GPC5: variants seen among roughly 807,000 people sequenced by gnomAD.
GPC5 encodes the protein glypican 5, also known as glypican-5.
A neutral mutation model predicts 53.9 loss-of-function variants in GPC5; 47 were observed. The ratio of observed to expected loss-of-function variants is 0.87; its 90% CI spans 0.69 to 1.11. The LOEUF (loss-of-function observed/expected upper bound fraction) is 1.11, where lower values mean the gene tolerates loss of function less well. GPC5 is among the 50% of genes most tolerant of loss of function. GPC5 has a pLI of 0.00. For missense variants in GPC5, 748 were observed against 713.1 expected, an observed-to-expected ratio of 1.05 and a Z score of -0.56; for synonymous variants, 286 against 263.3, an observed-to-expected ratio of 1.09 and a Z score of -0.84.
chr13:92,385,803 GTATATA>G (rs66626865), intron 7 of GPC5, among the ~76,000 whole-genome samples: 1 of 138,918 alleles, frequency 7.2e-6, no homozygotes, highest in South Asian at 2.2e-4. Flanking sequence ...ACATATATAC[GTATATA>G]TATACACGTG....
chr13:91,946,431 T>C (rs72633742), intron 6 of GPC5, among the ~76,000 whole-genome samples: 1,638 of 152,318 alleles, frequency 0.011, 19 homozygotes, highest in African/African-American at 0.025. Context: ...CTATCTGTTT[T>C]AGGTTTTACT....
intron 1 of GPC5, among the ~76,000 whole-genome samples, chr13:91,443,783 C>T (rs1411102756): frequency 1.3e-5 from 2 of 152,126 alleles, no homozygotes; most frequent in Admixed American, 1.3e-4. Context: ...AGGTAAAATT[C>T]TTTATGAGTT....
At chr13:91,572,224 CACATATGTATATACATGTGTATATATAT>C (rs2031943173) in intron 2 of GPC5, among the ~76,000 whole-genome samples, 6 of 139,182 alleles carry the variant, frequency 4.3e-5, no homozygotes, top group African/African-American at 1.7e-4. Context: ...TATATATATA[CACATATGTATATACATGTGTATATATAT>C]ACACATATGT....
At chr13:92,631,263 AG>A (rs1885227217) in intron 7 of GPC5, among the ~76,000 whole-genome samples, 3 of 152,186 alleles carry the variant, frequency 2.0e-5, no homozygotes. Flanking sequence ...AAAAAATAAC[AG>A]TAGAAGCCTG....
intron 6 of GPC5, among the ~76,000 whole-genome samples, chr13:91,950,007 G>T (rs576283272): frequency 6.6e-6 from 1 of 152,244 alleles, no homozygotes; most frequent in East Asian, 1.9e-4. Flanking sequence ...GCATGCTGAG[G>T]TCTAGTGGCA....
chr13:92,666,583 G>A (rs1886573313), intron 7 of GPC5, among the ~76,000 whole-genome samples: 1 of 152,154 alleles, frequency 6.6e-6, no homozygotes, highest in Non-Finnish European at 1.5e-5. Flanking sequence ...AAATTGATGT[G>A]TAAATATACT....
intron 5 of GPC5, among the ~76,000 whole-genome samples, chr13:91,835,732 C>T (rs1015453787): frequency 2.4e-5 from 3 of 126,450 alleles, no homozygotes; most frequent in Admixed American, 8.6e-5. Context: ...CAGGGCCTGT[C>T]GGGGGTTGGG....
chr13:91,743,253 C>A (rs2036975406), intron 4 of GPC5, among the ~76,000 whole-genome samples: 1 of 152,042 alleles, frequency 6.6e-6, no homozygotes, highest in Non-Finnish European at 1.5e-5. Flanking sequence ...ATTTTTTTTA[C>A]TGAACTTCTA....
chr13:92,722,878 C>G (rs532048627), intron 7 of GPC5, among the ~76,000 whole-genome samples: 1 of 151,700 alleles, frequency 6.6e-6, no homozygotes, highest in African/African-American at 2.4e-5. Flanking sequence ...TTGAAGTTGT[C>G]CTTTAGCAAA....
chr13:91,695,423 G>A (rs1309909071), intron 3 of GPC5, among the ~76,000 whole-genome samples: 2 of 151,988 alleles, frequency 1.3e-5, no homozygotes, highest in Non-Finnish European at 1.5e-5. Flanking sequence ...ACCCAGGCTG[G>A]GGTGCAGTGG....
chr13:92,226,681 C>T (rs1442219578), intron 7 of GPC5, among the ~76,000 whole-genome samples: 1 of 151,522 alleles, frequency 6.6e-6, no homozygotes, highest in Non-Finnish European at 1.5e-5. Context: ...TCACTGCCAC[C>T]TCTGCCTCCT....
intron 1 of GPC5, among the ~76,000 whole-genome samples, chr13:91,448,455 CA>C (rs1187602043): frequency 2.6e-5 from 4 of 152,250 alleles, no homozygotes; most frequent in Middle Eastern, 3.4e-3. Flanking sequence ...AAAAAACCCA[CA>C]AAAAACCTTT....
chr13:92,010,913 T>C (rs1335267232), intron 6 of GPC5, among the ~76,000 whole-genome samples: 2 of 152,182 alleles, frequency 1.3e-5, no homozygotes. Flanking sequence ...AACAGACTAA[T>C]ACAAACTATA....
At chr13:92,031,582 T>G (rs1379791210) in intron 6 of GPC5, among the ~76,000 whole-genome samples, 2 of 146,164 alleles carry the variant, frequency 1.4e-5, no homozygotes, top group African/African-American at 5.1e-5. Context: ...TGGCCATTCT[T>G]GCAGGAGTAA....
intron 7 of GPC5, among the ~76,000 whole-genome samples, chr13:92,190,903 T>C (rs548459324): frequency 6.6e-6 from 1 of 152,196 alleles, no homozygotes; most frequent in South Asian, 2.1e-4. Flanking sequence ...GTTCTAAATA[T>C]ACCAATTAAA....
intron 7 of GPC5, among the ~76,000 whole-genome samples, chr13:92,197,832 A>G (rs1205434371): frequency 6.6e-6 from 1 of 151,856 alleles, no homozygotes; most frequent in Non-Finnish European, 1.5e-5. Context: ...ATGTCTTAAG[A>G]TAAAATCCAG....
intron 3 of GPC5, among the ~76,000 whole-genome samples, chr13:91,715,876 C>T (rs953978356): frequency 6.6e-6 from 1 of 151,384 alleles, no homozygotes; most frequent in Non-Finnish European, 1.5e-5. Context: ...TAGGCTCAAG[C>T]GATCCTCCCA....
At chr13:92,141,993 C>A (rs1287685293) in intron 6 of GPC5, among the ~76,000 whole-genome samples, 1 of 152,098 alleles carries the variant, frequency 6.6e-6, no homozygotes, top group Non-Finnish European at 1.5e-5. Context: ...ATGCAAGCTC[C>A]TCACCCTCAC....
At chr13:92,417,078 G>GT (rs1876338461) in intron 7 of GPC5, among the ~76,000 whole-genome samples, 1 of 152,186 alleles carries the variant, frequency 6.6e-6, no homozygotes, top group Non-Finnish European at 1.5e-5. Flanking sequence ...TCACGCCGTT[G>GT]TAAGTCAAGG....
Sources: gnomAD v4.1 joint callset for allele counts (sites outside exome capture counted in the v4.1 genomes callset) on GRCh38, gnomAD v4.1.1 for gene constraint, MANE v1.5 for transcripts, NCBI Gene and HGNC (gene_info 2026-07-23, HGNC 2026-07-21) for gene names.